The following RAD52 variants were observed in gnomAD, a reference collection of about 807,000 sequenced individuals.
RAD52 encodes the protein DNA repair protein RAD52 homolog.
Under a neutral mutation model 55.5 loss-of-function variants are expected in RAD52, and 47 were observed. The ratio of observed to expected loss-of-function variants is 0.85; its 90% CI spans 0.67 to 1.08. The LOEUF (loss-of-function observed/expected upper bound fraction) is 1.08, where lower values mean the gene tolerates loss of function less well. Among genes scored for constraint, RAD52 ranks in the 50% least tolerant of loss-of-function variants. The probability of loss-of-function intolerance (pLI) is 0.00; values close to 1 mark genes in which losing one functional copy is unlikely to be tolerated. For missense variants in RAD52, 468 were observed against 522.8 expected (o/e 0.90, Z 1.02); for synonymous variants, 184 against 198.9 (o/e 0.92, Z 0.63).
intron 1 of RAD52, among the ~76,000 whole-genome samples, chr12:987,765 T>C (rs1219531627): frequency 6.6e-6 from 1 of 152,232 alleles, no homozygotes; most frequent in Non-Finnish European, 1.5e-5. Flanking sequence ...TTTTGCCATG[T>C]TGCCCAGGCT....
chr12:927,384 G>T (rs1957096398), intron 5 of RAD52, 121 bp from the exon 6 acceptor site: 2 of 738,260 alleles, frequency 2.7e-6, no homozygotes, highest in Admixed American at 2.0e-5. Context: ...TTGCTACAGG[G>T]GCACGGGCAG....
Position 919,749 on chromosome 12 carries a change from T to TAAA in RAD52, c.544-2932_544-2930dup, listed in dbSNP as rs755729351. ...CTGGGCGACAGAGCAAGACTCTGTC[T>TAAA]AAAAAAAAAAAAAAAAATCTGGGCT... On this transcript the variant is annotated intron_variant, in intron 7 of 11. Transcript: ENST00000358495. Among the ~76,000 whole-genome samples, 188 of 82,216 alleles carry TAAA rather than the reference T, an allele frequency of 2.3e-3. 21 individuals are homozygous for TAAA. The highest frequency in any genetic ancestry group is 9.4e-3 in the African/African-American group (172 of 18,270). The allele number at this position is 82,216 out of a possible 152,430, so 53.9% of individuals were successfully genotyped here.
intron 1 of RAD52, among the ~76,000 whole-genome samples, chr12:973,217 C>G (rs1315682069): frequency 1.3e-5 from 2 of 150,884 alleles, no homozygotes; most frequent in African/African-American, 4.9e-5. Context: ...CTACAGGCGC[C>G]CGCCACCACA....
intron 1 of RAD52, among the ~76,000 whole-genome samples, chr12:945,810 G>A (rs1468673830): frequency 6.7e-6 from 1 of 149,866 alleles, no homozygotes; most frequent in African/African-American, 2.4e-5. Flanking sequence ...AGATCATGAG[G>A]TCAGGAGTTC....
intron 11 of RAD52, 121 bp from the exon 12 acceptor site, chr12:913,573 G>C (rs1956205516): frequency 1.1e-6 from 1 of 874,494 alleles, no homozygotes; most frequent in Non-Finnish European, 1.8e-6. Flanking sequence ...GAGAATTACT[G>C]TTAGGAGGAA....
chr12:926,833 G>A lies in RAD52; in HGVS notation c.467+312C>T. 2.6e-6 allele frequency: 4 copies of A among 1,536,912 alleles called. No individual in the cohort carries two copies. The South Asian group carries it at 4.8e-5, about 18-fold the overall frequency. ...GAGGACTGCTGAGGAGCACGGAGAG[G>A]AGGGTGCTGTCTGTGCACTCGCAGT... On this transcript the variant is annotated intron_variant, in intron 6 of 11. Transcript: ENST00000358495.
At chr12:977,996 A>G (rs776258519) in intron 1 of RAD52, among the ~76,000 whole-genome samples, 18 of 152,232 alleles carry the variant, frequency 1.2e-4, no homozygotes, top group Non-Finnish European at 2.4e-4. Context: ...GAACACTGAC[A>G]ACATTTGCTA....
At chr12:982,302 G>C (rs1845959620) in intron 1 of RAD52, among the ~76,000 whole-genome samples, 1 of 152,120 alleles carries the variant, frequency 6.6e-6, no homozygotes, top group South Asian at 2.1e-4. Flanking sequence ...TTTGTAAATT[G>C]CACCTATAAT....
chr12:949,215 T>G (rs1043479988), intron 1 of RAD52, among the ~76,000 whole-genome samples: 1 of 152,214 alleles, frequency 6.6e-6, no homozygotes, highest in African/African-American at 2.4e-5. Context: ...ATCAATCATT[T>G]CTTCCCAGCG....
intron 1 of RAD52, among the ~76,000 whole-genome samples, chr12:957,522 A>G (rs907530123): frequency 6.6e-6 from 1 of 151,096 alleles, no homozygotes; most frequent in Non-Finnish European, 1.5e-5. Flanking sequence ...ACGGTGGCTC[A>G]TGCCTGTAAT....
At chr12:934,113 A>C (rs548845840) in intron 1 of RAD52, among the ~76,000 whole-genome samples, 9 of 150,852 alleles carry the variant, frequency 6.0e-5, no homozygotes, top group South Asian at 2.1e-4. Flanking sequence ...CAAAAAAAAA[A>C]AAAAACAAAA....
chr12:933,281 AC>A (rs1181671913), intron 1 of RAD52, among the ~76,000 whole-genome samples: 1 of 151,662 alleles, frequency 6.6e-6, no homozygotes, highest in African/African-American at 2.4e-5. Flanking sequence ...ACATGGTGAA[AC>A]CCCCTCTCTA....
Position 912,499 on chromosome 12 carries a change from A to T in RAD52, c.*892T>A, listed in dbSNP as rs1019384766. 1.6e-5 allele frequency: 3 copies of T among 188,466 alleles called. No individual in the cohort carries two copies. In the Admixed American group the frequency reaches 1.9e-4, roughly 12 times the overall value. The allele number at this position is 188,466 out of a possible 1,614,324, so 11.7% of individuals were successfully genotyped here. A position where few individuals can be genotyped will look rare whatever the true frequency, so the allele number is the denominator to read the frequency against. Reference sequence around the variant, plus strand: ...AAAAATGCAAAACAATTCTGGTTTCAAGCATTTCAGATAAGCAATATATAT... The same window carrying T: ...AAAAATGCAAAACAATTCTGGTTTCTAGCATTTCAGATAAGCAATATATAT... On this transcript the variant is annotated 3_prime_UTR_variant, in exon 12 of 12. Transcript: ENST00000358495.
At chr12:959,488 G>A (rs961605861) in intron 1 of RAD52, among the ~76,000 whole-genome samples, 1 of 152,200 alleles carries the variant, frequency 6.6e-6, no homozygotes, top group African/African-American at 2.4e-5. Flanking sequence ...TGAGATGTTC[G>A]ACAATGACTT....
Position 931,266 on chromosome 12 carries a change from A to C in RAD52, c.140T>G (p.Leu47Arg). 6.2e-7 allele frequency: 1 copy of C among 1,612,766 alleles called. No homozygotes were observed. ...QAIQKALRQR[L>R]GPEYISSRMA... is the part of the protein sequence containing the mutation. ...GCGGCTACTTATGTATTCTGGGCCC[A>C]GCCTCTGCCTCAGGGCCTTCTGGAT... The change falls in exon 3 of 12, where the codon CTG becomes CGG. Residue 47 changes from leucine (L) to arginine (R), a missense_variant. By Grantham distance (102) the Leu-to-Arg change is moderately radical. Transcript: ENST00000358495.
At chr12:929,318 C>T (rs1957204889) in intron 5 of RAD52, among the ~76,000 whole-genome samples, 1 of 152,128 alleles carries the variant, frequency 6.6e-6, no homozygotes, top group Admixed American at 6.6e-5. Context: ...TAGATCTTAT[C>T]CTCTATAGTA....
rs188015455 is a variant in RAD52, at chr12:980,076, C to G, written c.-19+9733G>C. 7.6e-3 allele frequency among the ~76,000 whole-genome samples: 1,160 copies of G among 152,000 alleles called. 12 individuals are homozygous for G. Among genetic ancestry groups the G allele is most frequent in the African/African-American group, 0.027 (1,106 of 41,470 alleles). On this transcript the variant is annotated intron_variant, in intron 1 of 11. Transcript: ENST00000430095. ...TGGTGGTGGGCACCTGTAATCCCATCTACTCGGGAGGCTAAGGCCAGGAAA... is the reference window on the plus strand; with the variant it reads ...TGGTGGTGGGCACCTGTAATCCCATGTACTCGGGAGGCTAAGGCCAGGAAA...
intron 1 of RAD52, among the ~76,000 whole-genome samples, chr12:957,298 A>G (rs1345983039): frequency 1.3e-5 from 2 of 151,880 alleles, no homozygotes; most frequent in Non-Finnish European, 2.9e-5. Context: ...TCTCTACTAA[A>G]AATACAAAAA....
Position 931,216 on chromosome 12 carries a change from C to T in RAD52, c.186+4G>A, listed in dbSNP as rs1001832988. On this transcript the variant is annotated splice_donor_region_variant and intron_variant, in intron 3 of 11. Coordinates refer to ENST00000358495, the MANE Select transcript of RAD52 (RefSeq NM_134424.4). ...CTGCTTTCCAGGCACATGAATTCTC[C>T]TACCTTCTGGCCTCCGCCAGCCATG... is the stretch of plus-strand genomic sequence containing the variant. The T allele has an allele frequency of 1.9e-6, 3 of 1,610,934 alleles. No individual in the cohort carries two copies. In the African/African-American group the frequency reaches 4.0e-5, roughly 22 times the overall value.
Sources: gnomAD v4.1 joint callset for allele counts (sites outside exome capture counted in the v4.1 genomes callset) on GRCh38, gnomAD v4.1.1 for gene constraint, MANE v1.5 for transcripts, NCBI Gene and HGNC (gene_info 2026-07-23, HGNC 2026-07-21) for gene names.